Variants in ZFX observed in about 807,000 individuals in gnomAD.
The protein encoded by ZFX is zinc finger protein X-linked, also known as zinc finger X-chromosomal protein.
For missense variants in ZFX, 362 were observed against 628.3 expected (o/e 0.58, Z 4.53); for synonymous variants, 196 against 226.8 (o/e 0.86, Z 1.22).
chrX:24,169,593 TAAA>T (rs63276860), intron 3 of ZFX, among the ~76,000 whole-genome samples: 1 of 87,050 alleles, frequency 1.1e-5, no homozygotes, highest in African/African-American at 4.4e-5. Flanking sequence ...AACTAGGAAT[TAAA>T]AAAAAAAAAA....
At chrX:24,180,423 C>T (rs1467866495) in intron 5 of ZFX, among the ~76,000 whole-genome samples, 1 of 106,318 alleles carries the variant, frequency 9.4e-6, no homozygotes, top group African/African-American at 3.5e-5. Flanking sequence ...GCTCTGTCGT[C>T]CAGGCTGGAG....
Position 24,172,765 on chromosome X carries a change from TACA to T in ZFX, c.28_30del (p.Gln10del), listed in dbSNP as rs1236974294. 8.3e-6 allele frequency: 10 copies of T among 1,203,487 alleles called. No individual in the cohort carries two copies. Among genetic ancestry groups the T allele is most frequent in the Middle Eastern group, 2.3e-4 (1 of 4,298 alleles). Reference sequence around the variant, plus strand: ...GCCATGGATGAAGATGGGCTTGAATTACAACAAGAGCCAAACTCATTTTTTGAT... The same window carrying T: ...GCCATGGATGAAGATGGGCTTGAATTACAAGAGCCAAACTCATTTTTTGAT... On this transcript the variant is annotated inframe_deletion, in exon 4 of 10. Coordinates refer to ENST00000304543, the MANE Select transcript of ZFX (RefSeq NM_003410.4).
intron 3 of ZFX, among the ~76,000 whole-genome samples, chrX:24,169,117 A>G (rs1299589531): frequency 9.0e-6 from 1 of 111,696 alleles, no homozygotes; most frequent in African/African-American, 3.3e-5. Flanking sequence ...GTTGAGGTAT[A>G]GTCATCTCTG....
At chrX:24,195,893 G>C (rs2704818) in intron 5 of ZFX, among the ~76,000 whole-genome samples, 1 of 111,170 alleles carries the variant, frequency 9.0e-6, no homozygotes, top group Non-Finnish European at 1.9e-5. Context: ...TCCCTTTCCC[G>C]TGACTTTTCA....
intron 5 of ZFX, among the ~76,000 whole-genome samples, chrX:24,192,593 T>G (rs1302037650): frequency 7.2e-5 from 8 of 111,605 alleles, no homozygotes; most frequent in Non-Finnish European, 1.5e-4. Context: ...TATTGAAATG[T>G]GGCAATCAGT....
At chrX:24,202,509 G>A (rs1248302808) in intron 5 of ZFX, among the ~76,000 whole-genome samples, 1 of 111,374 alleles carries the variant, frequency 9.0e-6, no homozygotes, top group Non-Finnish European at 1.9e-5. Context: ...CCTCCTCCAC[G>A]TTCCTTCTTG....
intron 5 of ZFX, among the ~76,000 whole-genome samples, chrX:24,198,407 C>G (rs1333996222): frequency 9.1e-6 from 1 of 109,610 alleles, no homozygotes; most frequent in Non-Finnish European, 1.9e-5. Context: ...ACTATATTAC[C>G]CAGGCTGAAG....
At chrX:24,168,659 TTTTC>T (rs1446507478) in intron 3 of ZFX, among the ~76,000 whole-genome samples, 5 of 91,452 alleles carry the variant, frequency 5.5e-5, no homozygotes, top group African/African-American at 8.5e-5. Context: ...TATGTTTTTC[TTTTC>T]TTTCTTTCTT....
At chrX:24,195,501 C>T (rs961585375) in intron 5 of ZFX, among the ~76,000 whole-genome samples, 6 of 111,029 alleles carry the variant, frequency 5.4e-5, no homozygotes, top group Admixed American at 3.8e-4. Context: ...TACAGATGCC[C>T]ACCACCACGC....
In ZFX at chrX:24,214,116, C is replaced by T. The variant is rs750958225; in HGVS notation, c.*2740C>T. 1 of 111,504 alleles carries T rather than the reference C, an allele frequency of 9.0e-6. No individual in the cohort carries two copies. Among genetic ancestry groups the T allele is most frequent in the African/African-American group, 3.3e-5 (1 of 30,678 alleles). The allele number at this position is 111,504 out of a possible 1,213,427, so 9.2% of individuals were successfully genotyped here. On this transcript the variant is annotated 3_prime_UTR_variant, in exon 10 of 10. Coordinates refer to ENST00000304543, the MANE Select transcript of ZFX (RefSeq NM_003410.4). ...AATTGTAGTCACTGTTATGTACTGA[C>T]ATTAGTTACAACCTAGTTTTAATTC...
In ZFX at chrX:24,179,508, T is replaced by G. The variant is rs2088892751; in HGVS notation, c.384T>G (p.Ser128=). The G allele has an allele frequency of 8.3e-7, 1 of 1,211,111 alleles. No individual in the cohort carries two copies. The highest frequency in any genetic ancestry group is 1.1e-6 in the Non-Finnish European group (1 of 895,532). Residue 128 remains serine (S), a synonymous_variant, in exon 5 of 10, where the codon TCT becomes TCG. Coordinates refer to ENST00000304543, the MANE Select transcript of ZFX (RefSeq NM_003410.4). ...LASDITSASM[S]MPEHVLTGDS... is the part of the protein sequence containing the mutation. ...CTGACATTACTTCAGCCTCAATGTC[T>G]ATGCCAGAACACGTCTTGACGGGTG...
rs1394740886 is a variant in ZFX at position 24,215,987 on chromosome X, ACT to A, written c.*4612_*4613del. ...GTTTCATCTTTTGTTTCGTGTATATACTGTTTGCCTTTTTCATAAAAATCTTG... is the reference window on the plus strand; with the variant it reads ...GTTTCATCTTTTGTTTCGTGTATATAGTTTGCCTTTTTCATAAAAATCTTG... On this transcript the variant is annotated 3_prime_UTR_variant, in exon 10 of 10. Transcript: ENST00000304543. 2 of 111,362 alleles carry A rather than the reference ACT, an allele frequency of 1.8e-5. No individual in the cohort carries two copies. The highest frequency in any genetic ancestry group is 6.5e-5 in the African/African-American group (2 of 30,630). 9.2% of individuals were successfully genotyped at this position (111,362 alleles called of 1,213,427 possible). A position where few individuals can be genotyped will look rare whatever the true frequency, so the allele number is the denominator to read the frequency against.
chrX:24,161,372 C>CT (rs1211123293), intron 3 of ZFX, among the ~76,000 whole-genome samples: 3 of 111,909 alleles, frequency 2.7e-5, no homozygotes, highest in Non-Finnish European at 5.6e-5. Flanking sequence ...GCCACTGCTG[C>CT]TTTTTTTTCT....
rs941513028 is a variant in ZFX, at chrX:24,211,304, G to A, written c.2346G>A (p.Lys782=). 5.0e-6 allele frequency: 6 copies of A among 1,210,576 alleles called. No individual in the cohort carries two copies. Among genetic ancestry groups the A allele is most frequent in the Non-Finnish European group, 6.7e-6 (6 of 895,423 alleles). The change falls in exon 10 of 10, where the codon AAG becomes AAA. Residue 782 remains lysine (K), a synonymous_variant. Coordinates refer to ENST00000304543, the MANE Select transcript of ZFX (RefSeq NM_003410.4). ...KDYPHRCEYC[K]KGFRRPSEKN... Reference sequence around the variant, plus strand: ...ATCCTCACCGGTGTGAGTACTGCAAGAAAGGCTTCCGAAGACCTTCAGAAA... The same window carrying A: ...ATCCTCACCGGTGTGAGTACTGCAAAAAAGGCTTCCGAAGACCTTCAGAAA...
intron 5 of ZFX, among the ~76,000 whole-genome samples, chrX:24,193,690 C>CT (rs769780998): frequency 8.9e-6 from 1 of 111,740 alleles, no homozygotes; most frequent in East Asian, 2.8e-4. Flanking sequence ...TAAGCAATTA[C>CT]TTTTTTCAGT....
In ZFX at chrX:24,207,315, T is replaced by C. The variant is rs767907528; in HGVS notation, c.647-11T>C. The C allele has an allele frequency of 1.7e-6, 2 of 1,196,402 alleles. No individual in the cohort carries two copies. The highest frequency in any genetic ancestry group is 3.6e-5 in the African/African-American group (2 of 56,145). On this transcript the variant is annotated splice_polypyrimidine_tract_variant and intron_variant, in intron 5 of 9. Transcript: ENST00000304543. ...CTGTTACTATTTGTGATTTATTTCC[T>C]TCCTTTTTAGTGGATGATGCTGGCA...
intron 5 of ZFX, among the ~76,000 whole-genome samples, chrX:24,198,621 G>A (rs1396931284): frequency 9.0e-6 from 1 of 110,910 alleles, no homozygotes; most frequent in Non-Finnish European, 1.9e-5. Context: ...TAGGCACTTG[G>A]AATACATTAG....
chrX:24,175,912 A>G (rs908562454), intron 4 of ZFX, among the ~76,000 whole-genome samples: 2 of 110,881 alleles, frequency 1.8e-5, no homozygotes, highest in African/African-American at 3.3e-5. Context: ...TCTTGCCACT[A>G]GATGCTTTCA....
chrX:24,159,957 GA>G (rs765438583), intron 3 of ZFX, among the ~76,000 whole-genome samples: 3 of 111,414 alleles, frequency 2.7e-5, no homozygotes, highest in South Asian at 7.4e-4. Context: ...CAATTTTCTA[GA>G]AAAATATTAA....
Sources: gnomAD v4.1 joint callset for allele counts (sites outside exome capture counted in the v4.1 genomes callset) on GRCh38, gnomAD v4.1.1 for gene constraint, MANE v1.5 for transcripts, NCBI Gene and HGNC (gene_info 2026-07-23, HGNC 2026-07-21) for gene names.